KSR2: variants seen among roughly 807,000 people sequenced by gnomAD.
KSR2 encodes the protein kinase suppressor of ras 2.
A neutral mutation model predicts 107.8 loss-of-function variants in KSR2; 25 were observed. The observed-to-expected ratio is 0.23, with a 90% CI of 0.17 to 0.32. The LOEUF (loss-of-function observed/expected upper bound fraction) is 0.32. KSR2 is among the 10% of genes least tolerant of loss of function. KSR2 has a pLI of 1.00. For synonymous variants in KSR2, 480 were observed against 507.0 expected (o/e 0.95, Z 0.71); for missense variants, 887 against 1,268.9 (o/e 0.70, Z 4.57).
intron 1 of KSR2, among the ~76,000 whole-genome samples, chr12:117,947,062 G>A (rs772634509): frequency 4.6e-5 from 7 of 151,650 alleles, no homozygotes; most frequent in Non-Finnish European, 7.4e-5. Context: ...CCAGCTACTC[G>A]GAGGCTGAGG....
chr12:117,817,840 C>T (rs972102864), intron 3 of KSR2, among the ~76,000 whole-genome samples: 6 of 152,204 alleles, frequency 3.9e-5, no homozygotes, highest in African/African-American at 4.8e-5. Flanking sequence ...GTGGCTCACA[C>T]CTGTAATCCC....
intron 3 of KSR2, among the ~76,000 whole-genome samples, chr12:117,813,853 G>A (rs1333005075): frequency 6.6e-6 from 1 of 152,198 alleles, no homozygotes; most frequent in Non-Finnish European, 1.5e-5. Context: ...ATTCACAATA[G>A]CCAAGATATG....
chr12:117,646,875 G>T (rs947243502), intron 5 of KSR2, among the ~76,000 whole-genome samples: 4 of 152,146 alleles, frequency 2.6e-5, no homozygotes, highest in African/African-American at 9.7e-5. Context: ...CAGCAGCAAG[G>T]GTTTTTAAGG....
At chr12:117,709,565 G>A (rs1319999751) in intron 4 of KSR2, among the ~76,000 whole-genome samples, 1 of 152,150 alleles carries the variant, frequency 6.6e-6, no homozygotes, top group African/African-American at 2.4e-5. Context: ...GGATCCTTCT[G>A]CTTCCACCTC....
chr12:117,812,842 C>A (rs1468755234), intron 3 of KSR2, among the ~76,000 whole-genome samples: 11 of 95,548 alleles, frequency 1.2e-4, no homozygotes, highest in Non-Finnish European at 1.1e-4. Context: ...CCCAAATAGC[C>A]AAAAAAAAAA....
At chr12:117,532,136 C>T (rs779586410) in intron 10 of KSR2, among the ~76,000 whole-genome samples, 6 of 152,314 alleles carry the variant, frequency 3.9e-5, no homozygotes, top group Middle Eastern at 3.4e-3. Context: ...CAACGAGCAT[C>T]GTATCAGTTT....
chr12:117,721,098 T>C (rs951152722), intron 4 of KSR2, among the ~76,000 whole-genome samples: 1 of 152,054 alleles, frequency 6.6e-6, no homozygotes, highest in African/African-American at 2.4e-5. Flanking sequence ...TCCAGGAAAA[T>C]TTCTCCAAAG....
chr12:117,647,625 T>C (rs4767593), intron 5 of KSR2, among the ~76,000 whole-genome samples: 138,552 of 152,208 alleles, frequency 0.91, 63,260 homozygotes, highest in East Asian at 0.99. Context: ...TAATCATAGC[T>C]GGGAGAACAG....
At chr12:117,551,284 C>T (rs1161534838) in intron 9 of KSR2, among the ~76,000 whole-genome samples, 6 of 151,872 alleles carry the variant, frequency 4.0e-5, no homozygotes, top group Non-Finnish European at 8.8e-5. Context: ...CCTTCCTTTC[C>T]TCCTCCTTCC....
chr12:117,610,256 T>A (rs1202427104), intron 5 of KSR2, among the ~76,000 whole-genome samples: 1 of 152,166 alleles, frequency 6.6e-6, no homozygotes, highest in African/African-American at 2.4e-5. Flanking sequence ...CAGAAATTAC[T>A]CTTCTAAAAA....
chr12:117,664,446 G>A (rs1884570478), intron 5 of KSR2, among the ~76,000 whole-genome samples: 1 of 152,168 alleles, frequency 6.6e-6, no homozygotes, highest in Admixed American at 6.5e-5. Flanking sequence ...TCAGCAGGAG[G>A]AAGGCTGCCA....
At chr12:117,747,676 A>C (rs551903221) in intron 4 of KSR2, among the ~76,000 whole-genome samples, 42 of 152,334 alleles carry the variant, frequency 2.8e-4, no homozygotes, top group Non-Finnish European at 5.3e-4. Flanking sequence ...GAAAACATGC[A>C]AATGACCAAT....
chr12:117,505,550 C>T (rs1873629524), intron 14 of KSR2, among the ~76,000 whole-genome samples: 1 of 152,226 alleles, frequency 6.6e-6, no homozygotes, highest in Admixed American at 6.5e-5. Context: ...TCACATTCTC[C>T]TCTCAGGTTG....
At position 117,539,785 on chromosome 12, in the gene KSR2, T is replaced by A; in HGVS notation, c.1621A>T (p.Thr541Ser). The change falls in exon 10 of 20, where the codon ACG becomes TCG. Residue 541 changes from threonine (T) to serine (S), a missense_variant. Transcript: ENST00000339824. Reference protein sequence around the residue: ...SPAPPLPPSATPPSPLHPSPQ... With the variant: ...SPAPPLPPSASPPSPLHPSPQ... The stretch of plus-strand genomic sequence containing the variant: ...GAAGGGTGTAGGGGAGAAGGCGGCG[T>A]GGCACTAGGAGGGAGGGGGGGTGCT... 1 of 1,606,692 alleles carries A rather than the reference T, an allele frequency of 6.2e-7. No homozygotes were observed. Among genetic ancestry groups the A allele is most frequent in the East Asian group, 2.2e-5 (1 of 44,450 alleles).
At chr12:117,855,864 G>A (rs1042277662) in intron 2 of KSR2, among the ~76,000 whole-genome samples, 3 of 152,122 alleles carry the variant, frequency 2.0e-5, no homozygotes, top group Non-Finnish European at 2.9e-5. Context: ...TACCCTGTCT[G>A]GCGTCAACAC....
At chr12:117,702,013 A>T (rs1886346381) in intron 4 of KSR2, among the ~76,000 whole-genome samples, 1 of 152,186 alleles carries the variant, frequency 6.6e-6, no homozygotes. Context: ...CTGCCATGTG[A>T]TCTGGCCCTT....
At chr12:117,763,193 A>G (rs1164182402) in intron 3 of KSR2, among the ~76,000 whole-genome samples, 3 of 151,770 alleles carry the variant, frequency 2.0e-5, no homozygotes, top group African/African-American at 7.3e-5. Flanking sequence ...TTCCAATTTC[A>G]TCCATGTCCC....
At chr12:117,898,598 G>A (rs1894587597) in intron 1 of KSR2, among the ~76,000 whole-genome samples, 1 of 152,072 alleles carries the variant, frequency 6.6e-6, no homozygotes, top group Admixed American at 6.5e-5. Flanking sequence ...GGGATTACGG[G>A]TGTGAGCCAC....
chr12:117,537,959 C>A (rs1355618388), intron 10 of KSR2, among the ~76,000 whole-genome samples: 1 of 152,180 alleles, frequency 6.6e-6, no homozygotes, highest in Non-Finnish European at 1.5e-5. Flanking sequence ...AACGGCCCTT[C>A]CCCATCCCTT....
Sources: allele counts gnomAD v4.1 joint callset (sites outside exome capture counted in the v4.1 genomes callset), GRCh38; gene constraint gnomAD v4.1.1; transcripts MANE v1.5; gene names NCBI Gene and HGNC (gene_info 2026-07-23, HGNC 2026-07-21).